Variants in IQGAP3 observed in about 807,000 individuals in gnomAD.
IQGAP3 encodes ras GTPase-activating-like protein IQGAP3.
A neutral mutation model predicts 208.2 loss-of-function variants in IQGAP3; 165 were observed. That is an observed-to-expected ratio of 0.79 (90% confidence interval 0.70 to 0.90). The LOEUF is 0.90. Ranked by LOEUF, IQGAP3 falls within the 40% of genes least tolerant of loss-of-function variation. The probability of loss-of-function intolerance (pLI) is 0.00; values close to 1 mark genes in which losing one functional copy is unlikely to be tolerated. For missense variants in IQGAP3, 1,811 were observed against 2,043.1 expected (o/e 0.89, Z 2.19); for synonymous variants, 703 against 803.6 (o/e 0.87, Z 2.12).
chr1:156,556,935 T>TGTCATGGCAGAGG (rs1675848641), intron 11 of IQGAP3, among the ~76,000 whole-genome samples: 2 of 41,726 alleles, frequency 4.8e-5, no homozygotes, highest in African/African-American at 1.2e-4. Flanking sequence ...GCTCAGCCTC[T>TGTCATGGCAGAGG]GCCCCGCCGC....
In IQGAP3 at chr1:156,534,080, A is replaced by G. The variant is rs1674562544; in HGVS notation, c.3802T>C (p.Tyr1268His). 1.2e-6 allele frequency: 2 copies of G among 1,613,954 alleles called. No individual in the cohort carries two copies. Residue 1268 changes from tyrosine (Y) to histidine (H), a missense_variant, in exon 30 of 38, where the codon TAC becomes CAC. Physicochemically the swap from Tyr to His is moderately conservative, Grantham distance 83. Coordinates refer to ENST00000361170, the MANE Select transcript of IQGAP3 (RefSeq NM_178229.5). ...TTGGCCACAGCCACCATGTCTGAGT[A>G]CTCGTCCACTGCAAAACGCTCCTCT... ...EPEERFAVDE[Y>H]SDMVAVAKPM...
Position 156,537,255 on chromosome 1 carries a change from G to T in IQGAP3, c.3348C>A (p.Asp1116Glu), listed in dbSNP as rs774063098. The T allele has an allele frequency of 3.1e-6, 5 of 1,614,092 alleles. No homozygotes were observed. Among genetic ancestry groups the T allele is most frequent in the South Asian group, 1.1e-5 (1 of 91,068 alleles). ...LSHPEVQRRLDIALRNLLAMT... is the reference protein window; with the variant it reads ...LSHPEVQRRLEIALRNLLAMT... Reference sequence around the variant, plus strand: ...TGGCGAGGAGGTTGCGTAGGGCGATGTCCAGTCGTCTCTGGACCTCGGGGT... The same window carrying T: ...TGGCGAGGAGGTTGCGTAGGGCGATTTCCAGTCGTCTCTGGACCTCGGGGT... Residue 1116 changes from aspartate to glutamate, a missense_variant, in exon 27 of 38, where the codon GAC (aspartate) becomes GAA (glutamate). Physicochemically the swap from Asp to Glu is conservative, Grantham distance 45. Transcript: ENST00000361170.
chr1:156,530,903 G>A (rs1674361918), intron 33 of IQGAP3, among the ~76,000 whole-genome samples: 1 of 152,152 alleles, frequency 6.6e-6, no homozygotes, highest in South Asian at 2.1e-4. Context: ...GCCCCCCATA[G>A]CCCTAGTGTT....
intron 24 of IQGAP3, 110 bp from the exon 25 acceptor site, chr1:156,539,647 C>G (rs1674881114): frequency 1.6e-6 from 2 of 1,261,724 alleles, no homozygotes; most frequent in African/African-American, 3.0e-5. Context: ...AAAGCACTAC[C>G]ACACTTTCTC....
chr1:156,539,337 C>T (rs115139785), intron 25 of IQGAP3, 37 bp downstream of exon 25: 58 of 1,592,976 alleles, frequency 3.6e-5, no homozygotes, highest in Non-Finnish European at 4.9e-5. Flanking sequence ...TCTCTTAACC[C>T]ATTCTCTCCC....
At chr1:156,566,652 C>G in intron 2 of IQGAP3, 106 bp from the exon 3 acceptor site, 1 of 1,027,708 alleles carries the variant, frequency 9.7e-7, no homozygotes, top group Non-Finnish European at 1.4e-6. Flanking sequence ...CCCTGACCCT[C>G]CTCTGCTTCC....
At chr1:156,527,351 G>A (rs975115950) in intron 37 of IQGAP3, among the ~76,000 whole-genome samples, 21 of 151,716 alleles carry the variant, frequency 1.4e-4, no homozygotes, top group African/African-American at 4.4e-4. Flanking sequence ...GGTGGCGCAC[G>A]CCTGTAATCC....
At chr1:156,540,121 C>T (rs1325471196) in intron 23 of IQGAP3, 131 bp from the exon 24 acceptor site, 3 of 1,008,304 alleles carry the variant, frequency 3.0e-6, no homozygotes, top group Non-Finnish European at 4.4e-6. Context: ...AGCTGGGGGA[C>T]AGAAGCAGTT....
chr1:156,531,679 A>C (rs1384473288), intron 32 of IQGAP3, among the ~76,000 whole-genome samples: 9 of 143,370 alleles, frequency 6.3e-5, no homozygotes, highest in Non-Finnish European at 1.3e-4. Context: ...ATCTCGGCTC[A>C]CTGCAACCTC....
At position 156,572,485 on chromosome 1, in the gene IQGAP3, G is replaced by C; in HGVS notation, c.37+8C>G. ...GCGAGACCCTTCTCTGACCCTCTCC[G>C]CACTCACAGGCTGCCCAGCCTGGGC... is the stretch of plus-strand genomic sequence containing the variant. On this transcript the variant is annotated splice_region_variant and intron_variant, in intron 1 of 37. Transcript: ENST00000361170. 6.2e-7 allele frequency: 1 copy of C among 1,609,944 alleles called. No homozygotes were observed. Among genetic ancestry groups the C allele is most frequent in the Non-Finnish European group, 8.5e-7 (1 of 1,179,682 alleles).
intron 19 of IQGAP3, 72 bp downstream of exon 19, chr1:156,548,001 G>A: frequency 7.3e-7 from 1 of 1,363,206 alleles, no homozygotes; most frequent in South Asian, 1.4e-5. Context: ...TCAGTAAAAA[G>A]GAAGCAGCGT....
chr1:156,532,881 C>T (rs1674478344), intron 32 of IQGAP3, 99 bp downstream of exon 32: 2 of 1,322,518 alleles, frequency 1.5e-6, no homozygotes, highest in Non-Finnish European at 2.1e-6. Context: ...TAAGGGAGCC[C>T]AGGAAGAAGG....
At position 156,534,617 on chromosome 1, in the gene IQGAP3, G is replaced by A; in HGVS notation, c.3624C>T (p.Ala1208=). ...GGALAAPQRH[A]LGAVAQLLQH... Reference sequence around the variant, plus strand: ...GTAGGAGCTGAGCCACAGCCCCCAGGGCATGGCGCTGGGGGGCAGCCAGGG... The same window carrying A: ...GTAGGAGCTGAGCCACAGCCCCCAGAGCATGGCGCTGGGGGGCAGCCAGGG... The change falls in exon 29 of 38, where the codon GCC becomes GCT. Residue 1208 remains alanine (A), a synonymous_variant. Transcript: ENST00000361170. The A allele has an allele frequency of 6.2e-7, 1 of 1,612,396 alleles. No homozygotes were observed.
rs1674406715 is a variant in IQGAP3 at position 156,531,595 on chromosome 1, G to A, written c.4104-348C>T. On this transcript the variant is annotated intron_variant, in intron 32 of 37. Coordinates refer to ENST00000361170, the MANE Select transcript of IQGAP3 (RefSeq NM_178229.5). ...GATGGCAGGACAAAGATGATACTCA[G>A]CTCACTTGTTTTTTTTTTTTTTTTT... Among the ~76,000 whole-genome samples the A allele has an allele frequency of 2.7e-5, 4 of 145,456 alleles. No homozygotes were observed. In the South Asian group the frequency reaches 9.0e-4, roughly 33 times the overall value.
intron 3 of IQGAP3, 143 bp from the exon 4 acceptor site, chr1:156,566,247 C>T (rs919276541): frequency 8.2e-7 from 1 of 1,215,550 alleles, no homozygotes; most frequent in African/African-American, 1.5e-5. Flanking sequence ...CCATCCCTAC[C>T]AGGACAGAGA....
At chr1:156,535,815 T>C (rs192248171) in intron 27 of IQGAP3, among the ~76,000 whole-genome samples, 2 of 152,354 alleles carry the variant, frequency 1.3e-5, no homozygotes, top group Non-Finnish European at 2.9e-5. Context: ...TATCTTAGAC[T>C]ATTTCCTTCT....
chr1:156,570,068 C>A (rs1676579560), intron 1 of IQGAP3, among the ~76,000 whole-genome samples: 2 of 152,192 alleles, frequency 1.3e-5, no homozygotes, highest in Non-Finnish European at 2.9e-5. Context: ...AACTTAACTC[C>A]TTTTCTTATC....
chr1:156,537,457 G>A lies in IQGAP3; in HGVS notation c.3282-136C>T, dbSNP rs981070224. ...CTAAGGACAGCTCAGCATGCTAAAG[G>A]AGAAAGGGCCAGAATGAGAGAAAGG... On this transcript the variant is annotated intron_variant, in intron 26 of 37. Coordinates refer to ENST00000361170, the MANE Select transcript of IQGAP3 (RefSeq NM_178229.5). 11 of 804,808 alleles carry A rather than the reference G, an allele frequency of 1.4e-5. No individual in the cohort carries two copies. The Admixed American group carries it at 3.8e-4, about 27-fold the overall frequency. 49.9% of individuals were successfully genotyped at this position (804,808 alleles called of 1,614,324 possible).
chr1:156,533,427 A>G (rs1283479282), intron 31 of IQGAP3, among the ~76,000 whole-genome samples: 2 of 152,234 alleles, frequency 1.3e-5, no homozygotes, highest in Middle Eastern at 3.4e-3. Flanking sequence ...TCCAATCACC[A>G]TCTTCATTCT....
Sources: gnomAD v4.1 joint callset for allele counts (sites outside exome capture counted in the v4.1 genomes callset) on GRCh38, gnomAD v4.1.1 for gene constraint, MANE v1.5 for transcripts, NCBI Gene and HGNC (gene_info 2026-07-23, HGNC 2026-07-21) for gene names.